Variants in ASAH2 observed in about 807,000 individuals in gnomAD.
ASAH2 encodes the protein neutral ceramidase.
A neutral mutation model predicts 82.9 loss-of-function variants in ASAH2; 58 were observed. That is an observed-to-expected ratio of 0.70 (90% CI 0.57 to 0.87). The LOEUF (loss-of-function observed/expected upper bound fraction) is 0.87, where lower values mean the gene tolerates loss of function less well. Among genes scored for constraint, ASAH2 ranks in the 40% least tolerant of loss-of-function variants. The probability of loss-of-function intolerance (pLI) is 0.00; values close to 1 mark genes in which losing one functional copy is unlikely to be tolerated. For missense variants in ASAH2, 779 were observed against 834.0 expected (o/e 0.93, Z 0.81); for synonymous variants, 276 against 289.7 (o/e 0.95, Z 0.48).
intron 1 of ASAH2, among the ~76,000 whole-genome samples, chr10:50,250,600 T>C (rs192421422): frequency 6.6e-6 from 1 of 152,298 alleles, no homozygotes; most frequent in Admixed American, 6.5e-5. Flanking sequence ...TCAAACCCAG[T>C]ATCTCTAGTT....
At chr10:50,243,820 TG>T (rs1846372988) in intron 3 of ASAH2, among the ~76,000 whole-genome samples, 1 of 152,208 alleles carries the variant, frequency 6.6e-6, no homozygotes. Context: ...CCATGTTTGT[TG>T]TTTAGTGTAT....
intron 13 of ASAH2, 27 bp from the exon 14 acceptor site, chr10:50,204,982 G>A (rs995585405): frequency 2.0e-6 from 3 of 1,504,860 alleles, no homozygotes; most frequent in East Asian, 4.5e-5. Flanking sequence ...AGAAAATTAT[G>A]TTAGGGATAA....
intron 9 of ASAH2, among the ~76,000 whole-genome samples, chr10:50,213,739 T>A (rs1286184581): frequency 6.6e-6 from 1 of 152,090 alleles, no homozygotes; most frequent in East Asian, 1.9e-4. Flanking sequence ...GAAAGACAAC[T>A]GATAAACTTT....
At chr10:50,241,686 A>G (rs1846300092) in intron 4 of ASAH2, among the ~76,000 whole-genome samples, 1 of 152,234 alleles carries the variant, frequency 6.6e-6, no homozygotes. Context: ...TGGCACATAT[A>G]CACCATGGAA....
At chr10:50,243,506 A>G (rs962385332) in intron 3 of ASAH2, among the ~76,000 whole-genome samples, 155 bp from the exon 4 acceptor site, 1 of 152,236 alleles carries the variant, frequency 6.6e-6, no homozygotes, top group Non-Finnish European at 1.5e-5. Flanking sequence ...TTCAAAAATT[A>G]AAAAGAAAAA....
chr10:50,240,506 G>A (rs1273783015), intron 4 of ASAH2: 6 of 702,070 alleles, frequency 8.5e-6, no homozygotes, highest in African/African-American at 5.2e-5. Context: ...ACAAAATGGT[G>A]TTTACATCAC....
Position 50,187,383 on chromosome 10 carries a change from T to C in ASAH2, c.2275A>G (p.Ile759Val). Residue 759 changes from isoleucine (I) to valine (V), a missense_variant, in exon 21 of 21, where the codon ATT (isoleucine) becomes GTT (valine). This residue lies in a region of ASAH2 where 14 missense variants were observed against 16.2 expected (regional missense o/e 0.87). Transcript: ENST00000682911. ...RYFGHNRKQDILKPAVILSFE... is the reference protein window; with the variant it reads ...RYFGHNRKQDVLKPAVILSFE... Reference sequence around the variant, plus strand: ...GAAAGTATGACAGCAGGCTTCAGAATGTCCTGCTTCCGATTGTGTCCAAAA... The same window carrying C: ...GAAAGTATGACAGCAGGCTTCAGAACGTCCTGCTTCCGATTGTGTCCAAAA... 2.6e-6 allele frequency: 1 copy of C among 387,346 alleles called. No homozygotes were observed. Among genetic ancestry groups the C allele is most frequent in the Non-Finnish European group, 4.5e-6 (1 of 223,110 alleles). 24.0% of individuals were successfully genotyped at this position (387,346 alleles called of 1,614,324 possible). A position where few individuals can be genotyped will look rare whatever the true frequency, so the allele number is the denominator to read the frequency against.
Position 50,199,098 on chromosome 10 carries a change from A to C in ASAH2, c.1810T>G (p.Ser604Ala). Reference sequence around the variant, plus strand: ...TTTCTGAAGAGCTGAATGTAAGCAGATAATGTGTGCGGTCCATAAATTGTC... The same window carrying C: ...TTTCTGAAGAGCTGAATGTAAGCAGCTAATGTGTGCGGTCCATAAATTGTC... ...ASTIYGPHTL[S>A]AYIQLFRNLA... is the part of the protein sequence containing the mutation. The change falls in exon 17 of 21, where the codon TCT becomes GCT. Residue 604 changes from serine (S) to alanine (A), a missense_variant. Ser to Ala is a moderately conservative substitution (Grantham distance 99, BLOSUM62 1). Transcript: ENST00000682911. 2.5e-6 allele frequency: 4 copies of C among 1,613,420 alleles called. No homozygotes were observed. Among genetic ancestry groups the C allele is most frequent in the Non-Finnish European group, 3.4e-6 (4 of 1,179,522 alleles).
intron 12 of ASAH2, among the ~76,000 whole-genome samples, chr10:50,208,332 G>T (rs1178461898): frequency 6.6e-6 from 1 of 151,770 alleles, no homozygotes; most frequent in Non-Finnish European, 1.5e-5. Context: ...GAAATAAAAG[G>T]CATTCAGATT....
At chr10:50,189,043 G>A (rs1189939860) in intron 20 of ASAH2, among the ~76,000 whole-genome samples, 3 of 145,356 alleles carry the variant, frequency 2.1e-5, no homozygotes, top group African/African-American at 8.2e-5. Flanking sequence ...CAAGCTTCTA[G>A]TGTTTTAGTA....
intron 6 of ASAH2, 123 bp downstream of exon 6, chr10:50,234,302 T>C: frequency 1.5e-6 from 2 of 1,368,046 alleles, no homozygotes; most frequent in Non-Finnish European, 2.1e-6. Context: ...GTTTTTAAGA[T>C]ATCATAGCTG....
chr10:50,245,229 A>G lies in ASAH2; in HGVS notation c.353T>C (p.Ile118Thr), dbSNP rs1425384557. The G allele has an allele frequency of 6.2e-7, 1 of 1,613,320 alleles. No individual in the cohort carries two copies. The highest frequency in any genetic ancestry group is 1.1e-5 in the South Asian group (1 of 91,032). The change falls in exon 3 of 21, where the codon ATC becomes ACC. Residue 118 changes from isoleucine to threonine, a missense_variant. Physicochemically the swap from Ile to Thr is moderately conservative, Grantham distance 89. Coordinates refer to ENST00000682911, the MANE Select transcript of ASAH2 (RefSeq NM_019893.4). ...AGCCCATTGTCTACTTGCCAAATTG[A>G]TATCTGCTACTTGTCCTGTGCAGTC... ...RADCTGQVAD[I>T]NLMGYGKSGQ...
chr10:50,237,642 A>C (rs935090972), intron 4 of ASAH2, among the ~76,000 whole-genome samples: 1 of 152,220 alleles, frequency 6.6e-6, no homozygotes, highest in Non-Finnish European at 1.5e-5. Flanking sequence ...ATGAACATCC[A>C]AATGCATGAC....
chr10:50,243,398 T>A, intron 3 of ASAH2, 47 bp from the exon 4 acceptor site: 1 of 1,589,134 alleles, frequency 6.3e-7, no homozygotes, highest in East Asian at 2.3e-5. Context: ...ATTCCCCTGC[T>A]ACTAGAAACC....
chr10:50,241,971 C>T (rs1846308653), intron 4 of ASAH2, among the ~76,000 whole-genome samples: 1 of 151,936 alleles, frequency 6.6e-6, no homozygotes, highest in African/African-American at 2.4e-5. Context: ...ACCACCATGG[C>T]ACATGTATAG....
At chr10:50,193,151 T>C in intron 18 of ASAH2, among the ~76,000 whole-genome samples, 1 of 138,250 alleles carries the variant, frequency 7.2e-6, no homozygotes, top group African/African-American at 2.6e-5. Flanking sequence ...GTATTTATCC[T>C]CCCCCCTGAA....
chr10:50,210,727 T>C, intron 12 of ASAH2, 96 bp downstream of exon 12: 1 of 1,134,892 alleles, frequency 8.8e-7, no homozygotes, highest in Non-Finnish European at 1.3e-6. Context: ...AGTTTAAAAA[T>C]TAATAAATGT....
At chr10:50,210,711 A>T (rs1480349766) in intron 12 of ASAH2, 112 bp downstream of exon 12, 1 of 1,013,254 alleles carries the variant, frequency 9.9e-7, no homozygotes, top group African/African-American at 1.6e-5. Context: ...AAACCAGCAG[A>T]CCCTGAGTTT....
At chr10:50,243,132 CT>C (rs1211048713) in intron 4 of ASAH2, 69 bp downstream of exon 4, 10 of 1,544,882 alleles carry the variant, frequency 6.5e-6, no homozygotes, top group Non-Finnish European at 8.9e-6. Flanking sequence ...GAATTATTTC[CT>C]GTCACATTCA....
Sources: gnomAD v4.1 joint callset for allele counts (sites outside exome capture counted in the v4.1 genomes callset) on GRCh38, gnomAD v4.1.1 for gene constraint, gnomAD v4.1.1 regional missense constraint, MANE v1.5 for transcripts, NCBI Gene and HGNC (gene_info 2026-07-23, HGNC 2026-07-21) for gene names.